LENG1: variants seen among roughly 807,000 people sequenced by gnomAD.
LENG1 encodes the protein leukocyte receptor cluster member 1, also known as leukocyte receptor cluster (LRC) member 1.
Under a neutral mutation model 28.8 loss-of-function variants are expected in LENG1, and 35 were observed. That is an observed-to-expected ratio of 1.22 (90% CI 0.93 to 1.61). The LOEUF is 1.61. LENG1 is among the 40% of genes most tolerant of loss of function. The pLI is 0.00. For synonymous variants in LENG1, 170 were observed against 140.6 expected, an observed-to-expected ratio of 1.21 and a Z score of -1.48; for missense variants, 404 against 348.9, an observed-to-expected ratio of 1.16 and a Z score of -1.26.
At chr19:54,157,271 CAG>C (rs1246239455) in intron 2 of LENG1, among the ~76,000 whole-genome samples, 9 of 152,236 alleles carry the variant, frequency 5.9e-5, no homozygotes, top group Non-Finnish European at 1.0e-4. Flanking sequence ...GGCATCTTTG[CAG>C]AGAGACTTGA....
At chr19:54,159,200 G>A (rs1437893839) in intron 1 of LENG1, among the ~76,000 whole-genome samples, 1 of 152,246 alleles carries the variant, frequency 6.6e-6, no homozygotes, top group Admixed American at 6.5e-5. Flanking sequence ...CATGTAGTTA[G>A]CATACAGTAG....
Position 54,156,918 on chromosome 19 carries a change from G to T in LENG1, c.420C>A (p.Pro140=). Residue 140 remains proline (P), a synonymous_variant, in exon 3 of 4, where the codon CCC becomes CCA. Transcript: ENST00000222224. ...WYQLPPGRGG[P]PPGPAPDEKI... is the part of the protein sequence containing the mutation. Reference sequence around the variant, plus strand: ...TCTCATCTGGGGCTGGGCCGGGCGGGGGGCCCCCTCGCCCTGGGGGTAGCT... The same window carrying T: ...TCTCATCTGGGGCTGGGCCGGGCGGTGGGCCCCCTCGCCCTGGGGGTAGCT... 1 of 1,612,980 alleles carries T rather than the reference G, an allele frequency of 6.2e-7. No individual in the cohort carries two copies. The highest frequency in any genetic ancestry group is 8.5e-7 in the Non-Finnish European group (1 of 1,179,132).
At chr19:54,157,418 G>A (rs557927756) in intron 2 of LENG1, among the ~76,000 whole-genome samples, 4 of 152,258 alleles carry the variant, frequency 2.6e-5, no homozygotes, top group South Asian at 4.1e-4. Flanking sequence ...GCCCAGACTC[G>A]AGTGCAGTGG....
In LENG1 at chr19:54,156,944, G is replaced by A. The variant is rs760890008; in HGVS notation, c.394C>T (p.Gln132Ter). 1 of 1,612,222 alleles carries A rather than the reference G, an allele frequency of 6.2e-7. No homozygotes were observed. The highest frequency in any genetic ancestry group is 8.5e-7 in the Non-Finnish European group (1 of 1,178,784). The change falls in exon 3 of 4, where the codon CAG (glutamine) becomes TAG (stop). Residue 132 changes from glutamine to a stop codon, truncating the protein, a stop_gained. Coordinates refer to ENST00000222224, the MANE Select transcript of LENG1 (RefSeq NM_024316.3). LOFTEE classifies it high-confidence loss of function. ...AEAQTQPPWY[Q>*]LPPGRGGPPP... ...GGGCCCCCTCGCCCTGGGGGTAGCT[G>A]GTACCAAGGGGGTTGAGTCTGTGCC...
chr19:54,158,214 G>T, intron 2 of LENG1, 68 bp downstream of exon 2: 1 of 1,418,258 alleles, frequency 7.1e-7, no homozygotes. Context: ...CACAACCAAT[G>T]GCTAAAGTGC....
chr19:54,155,567 ACCCTGGGGG>A lies in LENG1; in HGVS notation c.*145_*153del, dbSNP rs2075359883. 1.1e-5 allele frequency: 11 copies of A among 967,176 alleles called. 1 individual carries two copies. The South Asian group carries it at 1.7e-4, about 15-fold the overall frequency. 59.9% of individuals were successfully genotyped at this position (967,176 alleles called of 1,614,324 possible). ...GCCGGGAGGTTTTCCTCTCAGCCCC[ACCCTGGGGG>A]CCCGGGGGCGAGGGCTGCCCCCTCC... On this transcript the variant is annotated 3_prime_UTR_variant, in exon 4 of 4. Transcript: ENST00000222224.
Position 54,155,747 on chromosome 19 carries a change from G to C in LENG1, c.769C>G (p.Gln257Glu), listed in dbSNP as rs753324938. The part of the protein sequence containing the change: ...FNPQLARRPR[Q>E]QDPHLTH Reference sequence around the variant, plus strand: ...CAGTGAGTAAGGTGAGGGTCCTGCTGGCGGGGGCGCCGGGCCAGCTGGGGG... The same window carrying C: ...CAGTGAGTAAGGTGAGGGTCCTGCTCGCGGGGGCGCCGGGCCAGCTGGGGG... Residue 257 changes from glutamine (Q) to glutamate (E), a missense_variant, in exon 4 of 4, where the codon CAG (glutamine) becomes GAG (glutamate). Physicochemically the swap from Gln to Glu is conservative, Grantham distance 29. Transcript: ENST00000222224. The C allele has an allele frequency of 6.2e-7, 1 of 1,609,974 alleles. No homozygotes were observed. Among genetic ancestry groups the C allele is most frequent in the Non-Finnish European group, 8.5e-7 (1 of 1,179,214 alleles).
Position 54,155,442 on chromosome 19 carries a change from G to T in LENG1, c.*279C>A. ...CTCCCTCTACCCACCCCCTTCCCCC[G>T]CATGCTGATCCCCCTGCCCAGGTGA... On this transcript the variant is annotated 3_prime_UTR_variant, in exon 4 of 4. Coordinates refer to ENST00000222224, the MANE Select transcript of LENG1 (RefSeq NM_024316.3). The T allele has an allele frequency of 8.7e-7, 1 of 1,144,868 alleles. No individual in the cohort carries two copies. Among genetic ancestry groups the T allele is most frequent in the Non-Finnish European group, 1.2e-6 (1 of 831,450 alleles). 70.9% of individuals were successfully genotyped at this position (1,144,868 alleles called of 1,614,324 possible). A position where few individuals can be genotyped will look rare whatever the true frequency, so the allele number is the denominator to read the frequency against.
At chr19:54,157,108 A>C (rs879961483) in intron 2 of LENG1, 83 bp from the exon 3 acceptor site, 1 of 1,163,120 alleles carries the variant, frequency 8.6e-7, no homozygotes, top group Non-Finnish European at 1.2e-6. Flanking sequence ...TATCTAAGCG[A>C]ACAGGTATCT....
At chr19:54,158,567 G>A (rs1194576658) in intron 1 of LENG1, 106 bp from the exon 2 acceptor site, 2 of 1,081,840 alleles carry the variant, frequency 1.8e-6, no homozygotes, top group Admixed American at 2.3e-5. Flanking sequence ...CTGGGGTTAT[G>A]AGAAAGGGAG....
chr19:54,157,399 C>G (rs2075414305), intron 2 of LENG1, among the ~76,000 whole-genome samples: 1 of 152,172 alleles, frequency 6.6e-6, no homozygotes. Flanking sequence ...GATGGAGTCT[C>G]GCTCTGTTGC....
intron 1 of LENG1, among the ~76,000 whole-genome samples, chr19:54,159,027 G>A (rs571757203): frequency 1.3e-5 from 2 of 152,350 alleles, no homozygotes; most frequent in East Asian, 3.9e-4. Context: ...CTAGGGGGCG[G>A]TGCACGAAAG....
Position 54,156,890 on chromosome 19 carries a change from T to G in LENG1, c.448A>C (p.Ile150Leu), listed in dbSNP as rs760940810. The G allele has an allele frequency of 6.2e-7, 1 of 1,603,148 alleles. No homozygotes were observed. Among genetic ancestry groups the G allele is most frequent in the Non-Finnish European group, 8.5e-7 (1 of 1,170,282 alleles). The change falls in exon 3 of 4, where the codon ATC (isoleucine) becomes CTC (leucine). Residue 150 changes from isoleucine (I) to leucine (L), a missense_variant. Physicochemically the swap from Ile to Leu is conservative, Grantham distance 5. Transcript: ENST00000222224. ...CGCAGAGGGTCCAGACGGCTCTTGA[T>G]CTTCTCATCTGGGGCTGGGCCGGGC... ...PPPGPAPDEKIKSRLDPLREM... is the reference protein window; with the variant it reads ...PPPGPAPDEKLKSRLDPLREM...
At position 54,155,750 on chromosome 19, in the gene LENG1, G is replaced by A. The variant is rs61734930; in HGVS notation, c.766C>T (p.Arg256Cys). ...QFNPQLARRP[R>C]QQDPHLTH is the part of the protein sequence containing the mutation. ...TGAGTAAGGTGAGGGTCCTGCTGGC[G>A]GGGGCGCCGGGCCAGCTGGGGGTTG... is the stretch of plus-strand genomic sequence containing the variant. Residue 256 changes from arginine to cysteine, a missense_variant, in exon 4 of 4, where the codon CGC becomes TGC. Coordinates refer to ENST00000222224, the MANE Select transcript of LENG1 (RefSeq NM_024316.3). 220 of 1,610,280 alleles carry A rather than the reference G, an allele frequency of 1.4e-4. No homozygotes were observed. In the African/African-American group the frequency reaches 2.1e-3, roughly 15 times the overall value.
intron 1 of LENG1, among the ~76,000 whole-genome samples, chr19:54,159,006 T>C (rs1307070773): frequency 6.6e-6 from 1 of 152,182 alleles, no homozygotes; most frequent in African/African-American, 2.4e-5. Flanking sequence ...CCCGTGTTTG[T>C]GTGTATGTGT....
In LENG1 at chr19:54,159,589, C is replaced by T. The variant is rs1329124150; in HGVS notation, c.107G>A (p.Arg36Gln). The change falls in exon 1 of 4, where the codon CGG (arginine) becomes CAG (glutamine). Residue 36 changes from arginine to glutamine, a missense_variant. Arg to Gln is a conservative substitution (Grantham distance 43). Coordinates refer to ENST00000222224, the MANE Select transcript of LENG1 (RefSeq NM_024316.3). ...CTCTTGCTGAGCCAGCAGCACCCTC[C>T]GCTCACGCTCCTTCTCCTCCTCCCG... ...QAREEEKERE[R>Q]RVLLAQQEAR... 1.3e-6 allele frequency: 2 copies of T among 1,596,124 alleles called. No homozygotes were observed. Among genetic ancestry groups the T allele is most frequent in the East Asian group, 2.3e-5 (1 of 44,288 alleles).
In LENG1 at chr19:54,156,840, C is replaced by T. The variant is rs150009394; in HGVS notation, c.498G>A (p.Lys166=). Residue 166 remains lysine, a synonymous_variant, in exon 3 of 4, where the codon AAG becomes AAA. Transcript: ENST00000222224. Reference sequence around the variant, plus strand: ...CTTCATCACCGCCGTGCTGTCTCTTCTTCCCCAGATGCTTCTGCATCTCCC... The same window carrying T: ...CTTCATCACCGCCGTGCTGTCTCTTTTTCCCCAGATGCTTCTGCATCTCCC... ...PLREMQKHLG[K]KRQHGGDEGS... is the part of the protein sequence containing the mutation. The T allele has an allele frequency of 5.7e-4, 926 of 1,613,910 alleles. No individual in the cohort carries two copies. The highest frequency in any genetic ancestry group is 4.7e-4 in the Non-Finnish European group (554 of 1,179,914).
intron 2 of LENG1, among the ~76,000 whole-genome samples, chr19:54,157,263 C>G (rs1277175061): frequency 1.3e-5 from 2 of 152,158 alleles, no homozygotes; most frequent in Non-Finnish European, 2.9e-5. Context: ...CAGAGGCAGG[C>G]ATCTTTGCAG....
Position 54,156,993 on chromosome 19 carries a change from T to C in LENG1, c.345A>G (p.Thr115=), listed in dbSNP as rs1383316818. ...CCTCCGCTGCACTCTGGCCCAGGTA[T>C]GTCAGGATGCCCAGAGCTTTCTCTT... The part of the protein sequence containing the change: ...ERQEKALGIL[T]YLGQSAAEAQ... The change falls in exon 3 of 4, where the codon ACA becomes ACG. Residue 115 remains threonine (T), a synonymous_variant. Coordinates refer to ENST00000222224, the MANE Select transcript of LENG1 (RefSeq NM_024316.3). The C allele has an allele frequency of 3.8e-6, 6 of 1,573,422 alleles. No individual in the cohort carries two copies. In the South Asian group the frequency reaches 4.7e-5, roughly 12 times the overall value.
Sources: allele counts gnomAD v4.1 joint callset (sites outside exome capture counted in the v4.1 genomes callset), GRCh38; gene constraint gnomAD v4.1.1; transcripts MANE v1.5; gene names NCBI Gene and HGNC (gene_info 2026-07-23, HGNC 2026-07-21).